ZNF33A: variants seen among roughly 807,000 people sequenced by gnomAD.
ZNF33A encodes the protein zinc finger protein 33A, also known as brain my041 protein.
Under a neutral mutation model 15.9 loss-of-function variants are expected in ZNF33A, and 9 were observed. The observed-to-expected ratio is 0.57, with a 90% CI of 0.34 to 0.99. The LOEUF is 0.99. Ranked by LOEUF, ZNF33A falls within the 50% of genes least tolerant of loss-of-function variation. The pLI, the probability that ZNF33A is intolerant of heterozygous loss-of-function variation, is 0.02. For missense variants in ZNF33A, 843 were observed against 941.6 expected, an observed-to-expected ratio of 0.90 and a Z score of 1.37; for synonymous variants, 294 against 324.2, an observed-to-expected ratio of 0.91 and a Z score of 1.00.
At chr10:38,061,830 G>T (rs916180532), downstream of ZNF33A, among the ~76,000 whole-genome samples, 1 of 152,132 alleles carries the variant, frequency 6.6e-6, no homozygotes. Context: ...GCATGGTCGT[G>T]CCTGTAATCC....
chr10:38,033,492 T>TA (rs2065302320), intron 4 of ZNF33A, among the ~76,000 whole-genome samples: 1 of 152,162 alleles, frequency 6.6e-6, no homozygotes, highest in Non-Finnish European at 1.5e-5. Flanking sequence ...ATGCTGGTTA[T>TA]ATGGTGACTC....
chr10:38,055,261 C>G lies in ZNF33A; in HGVS notation c.1137C>G (p.His379Gln). 7 of 1,614,140 alleles carry G rather than the reference C, an allele frequency of 4.3e-6. No homozygotes were observed. The highest frequency in any genetic ancestry group is 5.1e-6 in the Non-Finnish European group (6 of 1,179,982). The part of the protein sequence containing the change: ...KSNLTKHQRS[H>Q]TGEKPFECNE... Reference sequence around the variant, plus strand: ...ACCTCACTAAACATCAAAGATCACACACAGGGGAGAAACCTTTTGAATGCA... The same window carrying G: ...ACCTCACTAAACATCAAAGATCACAGACAGGGGAGAAACCTTTTGAATGCA... The change falls in exon 5 of 5, where the codon CAC becomes CAG. Residue 379 changes from histidine to glutamine, a missense_variant. Transcript: ENST00000432900.
downstream of ZNF33A, among the ~76,000 whole-genome samples, chr10:38,065,931 G>A (rs1416464655): frequency 6.6e-6 from 1 of 151,928 alleles, no homozygotes; most frequent in East Asian, 1.9e-4. Context: ...GGCTGTTCTC[G>A]AACTCCTGCC....
chr10:38,013,113 A>T (rs2064272673), intron 2 of ZNF33A, among the ~76,000 whole-genome samples: 1 of 152,082 alleles, frequency 6.6e-6, no homozygotes, highest in East Asian at 1.9e-4. Context: ...TTTTAATTTT[A>T]ATTTTTTTAT....
chr10:38,032,625 A>G (rs2065261128), intron 4 of ZNF33A, among the ~76,000 whole-genome samples: 1 of 151,846 alleles, frequency 6.6e-6, no homozygotes, highest in South Asian at 2.1e-4. Context: ...GCATGCCACC[A>G]CACCCAGCTG....
rs192007961 is a variant in ZNF33A at position 38,014,556 on chromosome 10, A to T, written c.9+2206A>T. On this transcript the variant is annotated intron_variant, in intron 2 of 4. Coordinates refer to ENST00000432900, the MANE Select transcript of ZNF33A (RefSeq NM_006954.2). ...TACTTCTGTATGAGGTAGATGTCAG[A>T]TTCCTTTTTTCATGTGGTTAATGTA... Among the ~76,000 whole-genome samples the T allele has an allele frequency of 3.9e-5, 6 of 152,268 alleles. No homozygotes were observed. In the East Asian group the frequency reaches 9.7e-4, roughly 25 times the overall value.
chr10:38,052,732 A>T (rs1230815517), intron 4 of ZNF33A, among the ~76,000 whole-genome samples: 1 of 152,146 alleles, frequency 6.6e-6, no homozygotes, highest in Non-Finnish European at 1.5e-5. Flanking sequence ...GACTCAAAGT[A>T]AAAGTTTGCT....
intron 4 of ZNF33A, among the ~76,000 whole-genome samples, chr10:38,041,600 G>A (rs1590630278): frequency 6.6e-6 from 1 of 151,852 alleles, no homozygotes; most frequent in South Asian, 2.1e-4. Flanking sequence ...TCCCAAATCC[G>A]AAAATCTCAA....
At chr10:38,026,853 T>A (rs1390234471) in intron 4 of ZNF33A, among the ~76,000 whole-genome samples, 2 of 152,234 alleles carry the variant, frequency 1.3e-5, no homozygotes, top group Non-Finnish European at 2.9e-5. Flanking sequence ...CGGTAACTAC[T>A]CATTCCCCCT....
downstream of ZNF33A, among the ~76,000 whole-genome samples, chr10:38,066,049 A>G (rs902696893): frequency 6.6e-6 from 1 of 152,134 alleles, no homozygotes; most frequent in African/African-American, 2.4e-5. Context: ...GACTGGGTGC[A>G]TAAAGAGAAG....
chr10:38,010,637 T>C (rs1271717717), upstream of ZNF33A: 1 of 1,424,712 alleles, frequency 7.0e-7, no homozygotes, highest in African/African-American at 1.4e-5. Context: ...GCTGTGCGCG[T>C]GGGCTCTGCG....
At position 38,056,784 on chromosome 10, in the gene ZNF33A, A is replaced by G. The variant is rs547562940; in HGVS notation, c.*224A>G. 7 of 1,206,704 alleles carry G rather than the reference A, an allele frequency of 5.8e-6. No homozygotes were observed. The highest frequency in any genetic ancestry group is 3.4e-5 in the East Asian group (1 of 29,270). The allele number at this position is 1,206,704 out of a possible 1,614,324, so 74.7% of individuals were successfully genotyped here. On this transcript the variant is annotated 3_prime_UTR_variant, in exon 5 of 5. Coordinates refer to ENST00000432900, the MANE Select transcript of ZNF33A (RefSeq NM_006954.2). Reference sequence around the variant, plus strand: ...ATTTACACTGAGGAGAAAATTGTCAATTTAAGAAATCTAAAGTGAAAATTT... The same window carrying G: ...ATTTACACTGAGGAGAAAATTGTCAGTTTAAGAAATCTAAAGTGAAAATTT...
At chr10:38,020,651 A>T (rs1174904870) in intron 4 of ZNF33A, among the ~76,000 whole-genome samples, 1 of 152,204 alleles carries the variant, frequency 6.6e-6, no homozygotes, top group Non-Finnish European at 1.5e-5. Context: ...AGGTTGTTGC[A>T]TATGACAGGA....
rs1382497915 is a variant in ZNF33A at position 38,057,931 on chromosome 10, G to C, written c.*1371G>C. The C allele has an allele frequency of 4.1e-6, 4 of 985,476 alleles. No homozygotes were observed. The South Asian group carries it at 1.9e-4, about 46-fold the overall frequency. The allele number at this position is 985,476 out of a possible 1,614,324, so 61.0% of individuals were successfully genotyped here. A position where few individuals can be genotyped will look rare whatever the true frequency, so the allele number is the denominator to read the frequency against. ...GCCCTCAGACTTTTGAGAATATGAAGAGGAGGGTTGAGGCTGGAGCAGAAC... is the reference window on the plus strand; with the variant it reads ...GCCCTCAGACTTTTGAGAATATGAACAGGAGGGTTGAGGCTGGAGCAGAAC... On this transcript the variant is annotated 3_prime_UTR_variant, in exon 5 of 5. Transcript: ENST00000432900.
chr10:38,039,955 GA>G (rs1480515263), intron 4 of ZNF33A, among the ~76,000 whole-genome samples: 2 of 151,384 alleles, frequency 1.3e-5, no homozygotes, highest in African/African-American at 4.9e-5. Context: ...TTTTAAGGTG[GA>G]AAATTAGTTT....
chr10:38,054,407 A>C lies in ZNF33A; in HGVS notation c.283A>C (p.Ser95Arg), dbSNP rs1247130859. Residue 95 changes from serine to arginine, a missense_variant, in exon 5 of 5, where the codon AGC becomes CGC. Ser to Arg is a moderately radical substitution (Grantham distance 110). Coordinates refer to ENST00000432900, the MANE Select transcript of ZNF33A (RefSeq NM_006954.2). Reference protein sequence around the residue: ...VWTADHLKERSQENQSKHLWE... With the variant: ...VWTADHLKERRQENQSKHLWE... ...GACAGCTGATCACCTGAAAGAGAGG[A>C]GCCAAGAAAACCAATCTAAACATTT... 6.3e-7 allele frequency: 1 copy of C among 1,587,060 alleles called. No individual in the cohort carries two copies. The highest frequency in any genetic ancestry group is 1.4e-5 in the African/African-American group (1 of 73,890).
intron 4 of ZNF33A, among the ~76,000 whole-genome samples, chr10:38,048,042 C>T (rs937304295): frequency 6.6e-6 from 1 of 152,118 alleles, no homozygotes. Flanking sequence ...AGCAAAAAAA[C>T]TCAACGTAGA....
intron 2 of ZNF33A, 75 bp downstream of exon 2, chr10:38,012,425 G>GTTT (rs10716292): frequency 0.033 from 17,378 of 523,460 alleles, 305 homozygotes; most frequent in Admixed American, 0.041. Flanking sequence ...TATGGTGTTT[G>GTTT]TTTTTTTTTT....
chr10:38,017,034 A>G lies in ZNF33A; in HGVS notation c.154+19A>G, dbSNP rs746514468. ...TCAGTGGGTAAGGTCTGTTCACTGT[A>G]TCATTCTAAATAGCATTTGTTTATT... is the stretch of plus-strand genomic sequence containing the variant. On this transcript the variant is annotated intron_variant, in intron 3 of 4. Transcript: ENST00000432900. 3 of 1,590,166 alleles carry G rather than the reference A, an allele frequency of 1.9e-6. No individual in the cohort carries two copies. The highest frequency in any genetic ancestry group is 1.1e-5 in the South Asian group (1 of 87,988).
Sources: allele counts gnomAD v4.1 joint callset (sites outside exome capture counted in the v4.1 genomes callset), GRCh38; gene constraint gnomAD v4.1.1; transcripts MANE v1.5; gene names NCBI Gene and HGNC (gene_info 2026-07-23, HGNC 2026-07-21).